The following PRPSAP2 variants were observed in gnomAD, a reference collection of about 807,000 sequenced individuals.
The protein encoded by PRPSAP2 is phosphoribosyl pyrophosphate synthase-associated protein 2.
Under a neutral mutation model 40.6 loss-of-function variants are expected in PRPSAP2, and 24 were observed. The ratio of observed to expected loss-of-function variants is 0.59; its 90% CI spans 0.43 to 0.83. The LOEUF is 0.83. Among genes scored for constraint, PRPSAP2 ranks in the 40% least tolerant of loss-of-function variants. The probability of loss-of-function intolerance (pLI) is 0.00; values close to 1 mark genes in which losing one functional copy is unlikely to be tolerated. For missense variants in PRPSAP2, 292 were observed against 465.6 expected, an observed-to-expected ratio of 0.63 and a Z score of 3.43; for synonymous variants, 149 against 164.7, an observed-to-expected ratio of 0.90 and a Z score of 0.73.
chr17:18,868,117 A>AAAAT (rs68125483), intron 4 of PRPSAP2, among the ~76,000 whole-genome samples: 10 of 152,156 alleles, frequency 6.6e-5, no homozygotes, highest in Middle Eastern at 3.4e-3. Flanking sequence ...CCCTGTCTCA[A>AAAAT]AAATAAATAA....
chr17:18,883,231 T>G (rs1160447390), intron 7 of PRPSAP2, among the ~76,000 whole-genome samples: 1 of 152,202 alleles, frequency 6.6e-6, no homozygotes, highest in Non-Finnish European at 1.5e-5. Flanking sequence ...TCTGTTAATG[T>G]GGTTTATTAC....
chr17:18,860,836 G>A (rs1432351896), intron 1 of PRPSAP2: 1 of 152,164 alleles, frequency 6.6e-6, no homozygotes, highest in Non-Finnish European at 1.5e-5. Context: ...TCATTCATGA[G>A]ACTTAACATT....
chr17:18,913,621 T>G (rs942399549), intron 9 of PRPSAP2, among the ~76,000 whole-genome samples: 4 of 143,158 alleles, frequency 2.8e-5, no homozygotes, highest in Non-Finnish European at 6.0e-5. Flanking sequence ...CGATCATGGC[T>G]CATTGCAGTC....
intron 4 of PRPSAP2, 86 bp from the exon 5 acceptor site, chr17:18,872,497 T>C: frequency 9.9e-7 from 1 of 1,014,606 alleles, no homozygotes; most frequent in Non-Finnish European, 1.5e-6. Context: ...TTCTATTACA[T>C]TAGGGAATAA....
At chr17:18,920,018 G>A (rs1310172687) in intron 9 of PRPSAP2, among the ~76,000 whole-genome samples, 3 of 152,188 alleles carry the variant, frequency 2.0e-5, no homozygotes, top group Admixed American at 2.0e-4. Flanking sequence ...TGCCCAGGCT[G>A]TTGGTGCTGG....
intron 1 of PRPSAP2, among the ~76,000 whole-genome samples, chr17:18,864,584 C>T (rs1173773630): frequency 6.6e-6 from 1 of 151,858 alleles, no homozygotes; most frequent in Non-Finnish European, 1.5e-5. Flanking sequence ...AGCCACCGCG[C>T]CCAGCCATGT....
intron 5 of PRPSAP2, among the ~76,000 whole-genome samples, chr17:18,873,723 G>C (rs2038069815): frequency 6.6e-6 from 1 of 152,116 alleles, no homozygotes; most frequent in South Asian, 2.1e-4. Context: ...AATTAGCTGA[G>C]AGGATAAAAA....
chr17:18,882,455 T>A, intron 6 of PRPSAP2, 113 bp from the exon 7 acceptor site: 1 of 696,072 alleles, frequency 1.4e-6, no homozygotes, highest in South Asian at 1.7e-5. Flanking sequence ...AGGCTGCAGT[T>A]AGCTATGGTC....
intron 9 of PRPSAP2, among the ~76,000 whole-genome samples, chr17:18,915,372 A>G (rs1300258976): frequency 6.6e-6 from 1 of 152,122 alleles, no homozygotes; most frequent in African/African-American, 2.4e-5. Context: ...CACTTAGATC[A>G]TTTCTAAGAA....
At chr17:18,900,883 C>T (rs2040227303) in intron 8 of PRPSAP2, among the ~76,000 whole-genome samples, 1 of 152,150 alleles carries the variant, frequency 6.6e-6, no homozygotes, top group African/African-American at 2.4e-5. Context: ...AGGGGCACCT[C>T]TTTACTGCTG....
At chr17:18,895,653 T>A (rs1255081591) in intron 8 of PRPSAP2, among the ~76,000 whole-genome samples, 1 of 152,062 alleles carries the variant, frequency 6.6e-6, no homozygotes, top group Non-Finnish European at 1.5e-5. Context: ...TATGACAGAG[T>A]CTTGCTCTGT....
intron 4 of PRPSAP2, among the ~76,000 whole-genome samples, chr17:18,868,732 T>TG (rs2037616406): frequency 6.6e-6 from 1 of 151,548 alleles, no homozygotes; most frequent in Admixed American, 6.6e-5. Flanking sequence ...CATTTTTTTT[T>TG]TTTTTGGTAG....
intron 4 of PRPSAP2, 87 bp downstream of exon 4, chr17:18,867,421 A>G (rs1299395512): frequency 2.1e-6 from 3 of 1,444,342 alleles, no homozygotes; most frequent in East Asian, 4.6e-5. Context: ...TATTGAAACG[A>G]TTTGATTCAG....
At chr17:18,873,433 C>T (rs575289270) in intron 5 of PRPSAP2, among the ~76,000 whole-genome samples, 7 of 151,818 alleles carry the variant, frequency 4.6e-5, no homozygotes, top group Admixed American at 2.0e-4. Flanking sequence ...CTTGAACTCC[C>T]GACCTCAGGT....
At position 18,911,745 on chromosome 17, in the gene PRPSAP2, A is replaced by G. The variant is rs2040971633; in HGVS notation, c.733+494A>G. On this transcript the variant is annotated intron_variant, in intron 9 of 11. Transcript: ENST00000268835. The surrounding 1 kb of genome is among the most constrained non-coding windows in gnomAD (Gnocchi z 4.5). ...GAGAAAAATATATGGAATATATATG[A>G]ACAAGGCAGAATATAAGATTGTATA... Among the ~76,000 whole-genome samples the G allele has an allele frequency of 6.6e-6, 1 of 152,234 alleles. No individual in the cohort carries two copies. Among genetic ancestry groups the G allele is most frequent in the African/African-American group, 2.4e-5 (1 of 41,460 alleles).
intron 9 of PRPSAP2, among the ~76,000 whole-genome samples, chr17:18,918,879 A>T (rs2041522746): frequency 6.6e-6 from 1 of 152,198 alleles, no homozygotes; most frequent in African/African-American, 2.4e-5. Context: ...TAAAATGGTA[A>T]TATTTTGATA....
intron 7 of PRPSAP2, among the ~76,000 whole-genome samples, chr17:18,887,346 G>T (rs988287230): frequency 6.6e-6 from 1 of 151,716 alleles, no homozygotes; most frequent in Admixed American, 6.6e-5. Flanking sequence ...ACAATTCTCC[G>T]GCCTCAACCT....
chr17:18,858,856 T>TGAG (rs10643010), intron 1 of PRPSAP2, among the ~76,000 whole-genome samples: 81,031 of 151,406 alleles, frequency 0.54, 21,937 homozygotes, highest in Middle Eastern at 0.59. Context: ...CTTTGGGGCT[T>TGAG]GAGGTGTGAT....
intron 7 of PRPSAP2, 139 bp downstream of exon 7, chr17:18,882,822 C>T (rs1567694874): frequency 1.5e-5 from 9 of 602,060 alleles, no homozygotes; most frequent in East Asian, 1.1e-4. Flanking sequence ...AGCTATAATC[C>T]AACGCATTTT....
Sources: gnomAD v4.1 joint callset for allele counts (sites outside exome capture counted in the v4.1 genomes callset) on GRCh38, gnomAD v4.1.1 for gene constraint, Gnocchi (gnomAD v3.1) non-coding constraint, MANE v1.5 for transcripts, NCBI Gene and HGNC (gene_info 2026-07-23, HGNC 2026-07-21) for gene names.